C6: variants seen among roughly 807,000 people sequenced by gnomAD.
C6 encodes complement C6, also known as complement component C6.
A neutral mutation model predicts 112.9 loss-of-function variants in C6; 101 were observed. The observed-to-expected ratio is 0.89, with a 90% CI of 0.76 to 1.06. The LOEUF (loss-of-function observed/expected upper bound fraction) is 1.06. Ranked by LOEUF, C6 falls within the 50% of genes least tolerant of loss-of-function variation. C6 has a pLI of 0.00. For missense variants in C6, 1,202 were observed against 1,104.6 expected (o/e 1.09, Z -1.25); for synonymous variants, 431 against 384.1 (o/e 1.12, Z -1.43).
intron 1 of C6, among the ~76,000 whole-genome samples, chr5:41,240,892 G>T (rs748133002): frequency 1.1e-4 from 16 of 152,160 alleles, no homozygotes; most frequent in Non-Finnish European, 1.6e-4. Flanking sequence ...GGGCACAGTA[G>T]GGAAGTCCTT....
At chr5:41,189,181 A>G (rs931663065) in intron 5 of C6, among the ~76,000 whole-genome samples, 2 of 152,072 alleles carry the variant, frequency 1.3e-5, no homozygotes, top group African/African-American at 4.8e-5. Flanking sequence ...ACTGGGGGAA[A>G]TGAAAAATGG....
At chr5:41,234,649 T>C (rs2150416982) in intron 1 of C6, among the ~76,000 whole-genome samples, 1 of 152,266 alleles carries the variant, frequency 6.6e-6, no homozygotes, top group East Asian at 1.9e-4. Flanking sequence ...CTAGTTCCTC[T>C]GCACAGTTTG....
chr5:41,187,430 T>G (rs1264449270), intron 5 of C6, among the ~76,000 whole-genome samples: 3 of 152,128 alleles, frequency 2.0e-5, no homozygotes, highest in Admixed American at 2.0e-4. Flanking sequence ...ACAAATAGAC[T>G]CATTCATTTG....
chr5:41,159,278 C>T, intron 11 of C6, 25 bp from the exon 12 acceptor site: 1 of 1,609,750 alleles, frequency 6.2e-7, no homozygotes, highest in South Asian at 1.1e-5. Flanking sequence ...GACTCACTCC[C>T]ATGGATCATG....
intron 9 of C6, among the ~76,000 whole-genome samples, chr5:41,162,272 C>T (rs866514306): frequency 6.6e-6 from 1 of 152,184 alleles, no homozygotes; most frequent in Non-Finnish European, 1.5e-5. Flanking sequence ...TTAATGTCAA[C>T]CGCCCTGCTT....
intron 1 of C6, among the ~76,000 whole-genome samples, chr5:41,207,874 G>A (rs1035164776): frequency 2.6e-4 from 39 of 152,002 alleles, no homozygotes; most frequent in Non-Finnish European, 4.3e-4. Context: ...TGCACCAAGC[G>A]GACCTAATAG....
chr5:41,235,519 T>C (rs1031406902), intron 1 of C6, among the ~76,000 whole-genome samples: 1 of 144,568 alleles, frequency 6.9e-6, no homozygotes, highest in Admixed American at 6.9e-5. Flanking sequence ...CTATTGTGAA[T>C]AATGCTGCAA....
chr5:41,194,779 A>G (rs1750482485), intron 5 of C6, among the ~76,000 whole-genome samples: 1 of 152,066 alleles, frequency 6.6e-6, no homozygotes, highest in African/African-American at 2.4e-5. Flanking sequence ...GCCTTCTCTT[A>G]TATTTCCTAA....
intron 7 of C6, among the ~76,000 whole-genome samples, chr5:41,177,263 T>C (rs763270395): frequency 2.2e-4 from 33 of 152,180 alleles, no homozygotes; most frequent in Non-Finnish European, 4.6e-4. Flanking sequence ...TCCAAAATGC[T>C]GATTCTAAAT....
intron 4 of C6, among the ~76,000 whole-genome samples, chr5:41,199,136 A>G (rs7443594): frequency 0.11 from 16,479 of 152,170 alleles, 875 homozygotes; most frequent in African/African-American, 0.14. Flanking sequence ...GTCTTGGGTC[A>G]ATTTTCTGTG....
rs554726589 is a variant in C6, at chr5:41,176,518, A to C, written c.1125T>G (p.Tyr375Ter). The change falls in exon 8 of 18, where the codon TAT becomes TAG. Residue 375 changes from tyrosine to a stop codon, truncating the protein, a stop_gained. Coordinates refer to ENST00000337836, the MANE Select transcript of C6 (RefSeq NM_000065.5). LOFTEE classifies it high-confidence loss of function. The part of the protein sequence containing the change: ...YFTSGSLGGV[Y>*]DLLYQFSSEE... ...CACTGCTAAACTGATAGAGAAGGTC[A>C]TACACGCCTCCCAGGGAGCCAGAGG... 6.2e-6 allele frequency: 10 copies of C among 1,613,850 alleles called. No individual in the cohort carries two copies. The highest frequency in any genetic ancestry group is 8.5e-6 in the Non-Finnish European group (10 of 1,179,828).
chr5:41,253,553 C>T (rs1043449737), intron 1 of C6, among the ~76,000 whole-genome samples: 1 of 152,184 alleles, frequency 6.6e-6, no homozygotes. Context: ...AGGCTGTAAA[C>T]TAGGGCAATT....
At chr5:41,243,558 T>A (rs1561202133) in intron 1 of C6, among the ~76,000 whole-genome samples, 2 of 152,196 alleles carry the variant, frequency 1.3e-5, no homozygotes, top group Admixed American at 1.3e-4. Context: ...TAAAGTTTCT[T>A]TGGGAACAAT....
chr5:41,162,147 G>C (rs532176450), intron 9 of C6, among the ~76,000 whole-genome samples: 19 of 152,258 alleles, frequency 1.2e-4, no homozygotes, highest in Non-Finnish European at 1.8e-4. Context: ...CTGAGAAGTA[G>C]GTATTATTAT....
At chr5:41,212,108 T>C (rs1751980276) in intron 1 of C6, among the ~76,000 whole-genome samples, 1 of 152,206 alleles carries the variant, frequency 6.6e-6, no homozygotes, top group Admixed American at 6.5e-5. Flanking sequence ...CTTTTCTTTT[T>C]TAATATTCTA....
chr5:41,256,647 A>G (rs1397893021), intron 1 of C6, among the ~76,000 whole-genome samples: 2 of 152,128 alleles, frequency 1.3e-5, no homozygotes, highest in Non-Finnish European at 2.9e-5. Flanking sequence ...TCTGGCATAA[A>G]GCTTGCCTGG....
At chr5:41,229,474 A>G (rs991549600) in intron 1 of C6, among the ~76,000 whole-genome samples, 1 of 151,960 alleles carries the variant, frequency 6.6e-6, no homozygotes, top group African/African-American at 2.4e-5. Context: ...ACACATATTT[A>G]TAAATTTTCA....
chr5:41,176,378 TAAAGTC>T, intron 8 of C6, 91 bp downstream of exon 8: 1 of 1,252,430 alleles, frequency 8.0e-7, no homozygotes, highest in Admixed American at 1.9e-5. Context: ...AGGATCTAAA[TAAAGTC>T]AAAGCAGAAT....
chr5:41,233,639 T>A lies in C6; in HGVS notation c.-21+27555A>T, dbSNP rs76348831. On this transcript the variant is annotated intron_variant, in intron 1 of 17. Coordinates refer to the C6 transcript ENST00000263413. ...GGAAGGAGGCAGACACATTTGTAGA[T>A]TTGTAATAAGCACTGAGTTGCTCCA... is the stretch of plus-strand genomic sequence containing the variant. Among the ~76,000 whole-genome samples the A allele has an allele frequency of 5.9e-5, 9 of 152,030 alleles. No homozygotes were observed. In the South Asian group the frequency reaches 8.3e-4, roughly 14 times the overall value.
Sources: allele counts gnomAD v4.1 joint callset (sites outside exome capture counted in the v4.1 genomes callset), GRCh38; gene constraint gnomAD v4.1.1; transcripts MANE v1.5; gene names NCBI Gene and HGNC (gene_info 2026-07-23, HGNC 2026-07-21).